ACTR3C: variants seen among roughly 807,000 people sequenced by gnomAD.
ACTR3C encodes actin related protein 3C, also known as actin-related protein 3C.
A neutral mutation model predicts 26.3 loss-of-function variants in ACTR3C; 18 were observed. That is an observed-to-expected ratio of 0.68 (90% CI 0.47 to 1.01). The LOEUF (loss-of-function observed/expected upper bound fraction) is 1.01. Ranked by LOEUF, ACTR3C falls within the 50% of genes least tolerant of loss-of-function variation. ACTR3C has a pLI of 0.00. For missense variants in ACTR3C, 184 were observed against 250.7 expected, an observed-to-expected ratio of 0.73 and a Z score of 1.80; for synonymous variants, 55 against 94.5, an observed-to-expected ratio of 0.58 and a Z score of 2.42.
the ACTR3C span, among the ~76,000 whole-genome samples, chr7:150,083,423 T>G: frequency 0.15 from 22,226 of 151,892 alleles, 1,702 homozygotes; most frequent in South Asian, 0.23. Context: ...AAAAATTAGC[T>G]GGGCTTTGTG....
the ACTR3C span, among the ~76,000 whole-genome samples, chr7:150,034,951 G>C: frequency 2.8e-5 from 4 of 144,744 alleles, no homozygotes; most frequent in Non-Finnish European, 6.1e-5. Context: ...CGGAAGAGGG[G>C]ATAACTCTCA....
downstream of ACTR3C, among the ~76,000 whole-genome samples, chr7:150,241,682 G>A (rs1404938648): frequency 6.6e-6 from 1 of 152,064 alleles, no homozygotes. Flanking sequence ...CAAGAAGACA[G>A]TATTGAAAAA....
chr7:150,053,633 A>G, the ACTR3C span, among the ~76,000 whole-genome samples: 2 of 152,246 alleles, frequency 1.3e-5, no homozygotes, highest in African/African-American at 4.8e-5. Flanking sequence ...TTTGACTTCA[A>G]AGCAACAGCG....
the ACTR3C span, chr7:150,047,777 G>T: frequency 1.3e-6 from 2 of 1,521,756 alleles, no homozygotes; most frequent in Non-Finnish European, 1.8e-6. Flanking sequence ...CGCCCAGGAG[G>T]TGACTCGCCT....
chr7:150,035,537 C>G, the ACTR3C span, among the ~76,000 whole-genome samples: 477 of 126,464 alleles, frequency 3.8e-3, 36 homozygotes, highest in Non-Finnish European at 5.0e-3. Context: ...GGGGTGCCTC[C>G]CCCTCCTGCG....
the ACTR3C span, among the ~76,000 whole-genome samples, chr7:149,967,561 G>T: frequency 2.0e-5 from 3 of 152,144 alleles, no homozygotes; most frequent in Non-Finnish European, 4.4e-5. Flanking sequence ...TAGCAGCTCT[G>T]TCCTCTAAAA....
chr7:150,093,914 T>G, the ACTR3C span, among the ~76,000 whole-genome samples: 11 of 150,864 alleles, frequency 7.3e-5, no homozygotes, highest in Non-Finnish European at 1.3e-4. Flanking sequence ...TGCGTGCAGA[T>G]AGTCTTTTAA....
the ACTR3C span, among the ~76,000 whole-genome samples, chr7:150,152,624 G>A: frequency 1.3e-5 from 2 of 152,188 alleles, no homozygotes; most frequent in Non-Finnish European, 2.9e-5. Context: ...TCTCTGCCCG[G>A]CTTTGGTATC....
At chr7:149,959,818 A>G in the ACTR3C span, among the ~76,000 whole-genome samples, 1 of 152,222 alleles carries the variant, frequency 6.6e-6, no homozygotes, top group Admixed American at 6.5e-5. Context: ...CTTCATAAGA[A>G]TGTCCCCCTA....
At chr7:149,997,773 G>T in the ACTR3C span, among the ~76,000 whole-genome samples, 1 of 149,990 alleles carries the variant, frequency 6.7e-6, no homozygotes, top group African/African-American at 2.4e-5. Context: ...TCTGTCCACT[G>T]CATCAGTATA....
chr7:150,129,004 C>A, the ACTR3C span, among the ~76,000 whole-genome samples: 53 of 150,636 alleles, frequency 3.5e-4, no homozygotes, highest in African/African-American at 1.2e-3. Flanking sequence ...TAAAGCTAGA[C>A]GTTATGGAGC....
chr7:150,146,806 C>G, the ACTR3C span, among the ~76,000 whole-genome samples: 1 of 152,070 alleles, frequency 6.6e-6, no homozygotes. Flanking sequence ...TTCTGAAGGC[C>G]ATCTGCTAAA....
chr7:150,172,986 G>GC, the ACTR3C span, among the ~76,000 whole-genome samples: 1 of 148,922 alleles, frequency 6.7e-6, no homozygotes, highest in Non-Finnish European at 1.5e-5. Flanking sequence ...GCAGGGTACA[G>GC]CCTCCATCCC....
chr7:150,220,845 A>T, the ACTR3C span, among the ~76,000 whole-genome samples: 1 of 152,294 alleles, frequency 6.6e-6, no homozygotes, highest in Non-Finnish European at 1.5e-5. Context: ...TCACCCTCAA[A>T]AGCTCAGGCT....
chr7:150,112,462 C>T, the ACTR3C span, among the ~76,000 whole-genome samples: 12 of 152,202 alleles, frequency 7.9e-5, no homozygotes, highest in African/African-American at 1.7e-4. Flanking sequence ...TCTGATGGGT[C>T]GCAACCAGGA....
the ACTR3C span, among the ~76,000 whole-genome samples, chr7:150,205,844 C>A: frequency 6.6e-6 from 1 of 150,756 alleles, no homozygotes; most frequent in African/African-American, 2.5e-5. Context: ...CTTACTTGTA[C>A]CTCCTGGGAT....
the ACTR3C span, among the ~76,000 whole-genome samples, chr7:149,896,120 G>A: frequency 6.6e-6 from 1 of 151,884 alleles, no homozygotes; most frequent in Non-Finnish European, 1.5e-5. Context: ...GGGAAATTGA[G>A]GCTGCAGTGA....
the ACTR3C span, among the ~76,000 whole-genome samples, chr7:149,990,610 T>C: frequency 7.4e-6 from 1 of 135,534 alleles, no homozygotes; most frequent in Non-Finnish European, 1.6e-5. Flanking sequence ...CATGGAGAAG[T>C]GAGGCAGACA....
At chr7:150,230,616 C>A in the ACTR3C span, among the ~76,000 whole-genome samples, 1 of 152,116 alleles carries the variant, frequency 6.6e-6, no homozygotes, top group Non-Finnish European at 1.5e-5. Flanking sequence ...AAGAACCTAA[C>A]CAATGCATGA....
Sources: gnomAD v4.1 joint callset for allele counts (sites outside exome capture counted in the v4.1 genomes callset) on GRCh38, gnomAD v4.1.1 for gene constraint, MANE v1.5 for transcripts, NCBI Gene and HGNC (gene_info 2026-07-23, HGNC 2026-07-21) for gene names.